CFAP299: variants seen among roughly 807,000 people sequenced by gnomAD.
The protein encoded by CFAP299 is cilia- and flagella-associated protein 299.
Under a neutral mutation model 27.0 loss-of-function variants are expected in CFAP299, and 21 were observed. The ratio of observed to expected loss-of-function variants is 0.78; its 90% CI spans 0.55 to 1.12. The LOEUF is 1.12. Ranked by LOEUF, CFAP299 falls within the 50% of genes most tolerant of loss-of-function variation. The pLI is 0.00. For missense variants in CFAP299, 310 were observed against 276.6 expected, an observed-to-expected ratio of 1.12 and a Z score of -0.86; for synonymous variants, 104 against 98.1, an observed-to-expected ratio of 1.06 and a Z score of -0.36.
chr4:80,699,386 C>T (rs1329480551), intron 3 of CFAP299, among the ~76,000 whole-genome samples: 3 of 152,122 alleles, frequency 2.0e-5, no homozygotes, highest in Admixed American at 6.5e-5. Context: ...CTTCAAACTC[C>T]ATAACTCCCG....
intron 3 of CFAP299, among the ~76,000 whole-genome samples, chr4:80,807,456 C>T (rs1298620618): frequency 2.0e-5 from 3 of 151,886 alleles, no homozygotes; most frequent in Admixed American, 6.6e-5. Context: ...CAAAAAGGTA[C>T]CAGAGAAAGG....
At chr4:80,390,636 CACATAT>C (rs1725326606) in intron 2 of CFAP299, among the ~76,000 whole-genome samples, 1 of 120,636 alleles carries the variant, frequency 8.3e-6, no homozygotes, top group African/African-American at 3.3e-5. Flanking sequence ...TATATGTATA[CACATAT>C]ATGTATGTAC....
chr4:80,799,438 A>ATT (rs1728127882), intron 3 of CFAP299, among the ~76,000 whole-genome samples: 2 of 92,128 alleles, frequency 2.2e-5, no homozygotes, highest in Non-Finnish European at 3.7e-5. Flanking sequence ...AATATATATA[A>ATT]TATTTATAAA....
intron 1 of CFAP299, among the ~76,000 whole-genome samples, chr4:80,360,883 G>GGCCCTTAC (rs1420296460): frequency 6.6e-6 from 1 of 152,054 alleles, no homozygotes; most frequent in Admixed American, 6.5e-5. Context: ...CTTTCTTTGT[G>GGCCCTTAC]GCCCTTACAT....
chr4:80,399,283 C>T (rs979254909), intron 2 of CFAP299, among the ~76,000 whole-genome samples: 5 of 152,110 alleles, frequency 3.3e-5, no homozygotes, highest in Admixed American at 6.6e-5. Context: ...GACAGTGTTG[C>T]GATTCCTCAA....
intron 2 of CFAP299, among the ~76,000 whole-genome samples, chr4:80,373,851 ACTT>A (rs1434165225): frequency 2.6e-5 from 4 of 152,138 alleles, no homozygotes; most frequent in Non-Finnish European, 4.4e-5. Flanking sequence ...CCATCACTGA[ACTT>A]CTTAATGATT....
At chr4:80,695,384 C>T (rs1021636931) in intron 3 of CFAP299, among the ~76,000 whole-genome samples, 3 of 152,128 alleles carry the variant, frequency 2.0e-5, no homozygotes, top group Non-Finnish European at 4.4e-5. Context: ...CCAGAAATAA[C>T]TTTCTCACAT....
chr4:80,491,822 A>ATGGCCC (rs1731150628), intron 2 of CFAP299, among the ~76,000 whole-genome samples: 1 of 152,212 alleles, frequency 6.6e-6, no homozygotes, highest in African/African-American at 2.4e-5. Flanking sequence ...ATATTTTGAA[A>ATGGCCC]TGGCCCTGCA....
intron 2 of CFAP299, among the ~76,000 whole-genome samples, chr4:80,570,203 C>T (rs1196696328): frequency 6.6e-6 from 1 of 151,736 alleles, no homozygotes; most frequent in African/African-American, 2.4e-5. Flanking sequence ...ATTGCATAGG[C>T]AATATAGTGA....
chr4:80,473,337 A>C (rs773267593), intron 2 of CFAP299, among the ~76,000 whole-genome samples: 15 of 152,252 alleles, frequency 9.9e-5, no homozygotes, highest in Middle Eastern at 6.8e-3. Flanking sequence ...TCTTTAAGAC[A>C]AACTAAGTAA....
chr4:80,351,361 G>A (rs1044785128), intron 1 of CFAP299, among the ~76,000 whole-genome samples: 1 of 152,130 alleles, frequency 6.6e-6, no homozygotes, highest in Non-Finnish European at 1.5e-5. Flanking sequence ...AAAGATAGCA[G>A]AGGATAATGT....
At chr4:80,801,380 G>T (rs931473218) in intron 3 of CFAP299, among the ~76,000 whole-genome samples, 1 of 151,854 alleles carries the variant, frequency 6.6e-6, no homozygotes, top group African/African-American at 2.4e-5. Flanking sequence ...TCAATAAAAT[G>T]GGTATCTTTT....
chr4:80,804,342 C>T (rs1164222924), intron 3 of CFAP299, among the ~76,000 whole-genome samples: 1 of 152,088 alleles, frequency 6.6e-6, no homozygotes, highest in Non-Finnish European at 1.5e-5. Context: ...TTCACTATTC[C>T]AAGTAGCTTA....
At chr4:80,904,774 T>C (rs1735099034) in intron 4 of CFAP299, among the ~76,000 whole-genome samples, 1 of 152,204 alleles carries the variant, frequency 6.6e-6, no homozygotes, top group African/African-American at 2.4e-5. Flanking sequence ...CAAAATGATG[T>C]ATATTTACAT....
At chr4:80,717,738 T>C (rs866888398) in intron 3 of CFAP299, among the ~76,000 whole-genome samples, 6 of 152,162 alleles carry the variant, frequency 3.9e-5, no homozygotes, top group Non-Finnish European at 5.9e-5. Flanking sequence ...CCCAACTAGG[T>C]TGACATTTTT....
At chr4:80,905,725 A>G (rs1257783829) in intron 4 of CFAP299, among the ~76,000 whole-genome samples, 6 of 152,150 alleles carry the variant, frequency 3.9e-5, no homozygotes, top group South Asian at 2.1e-4. Flanking sequence ...AGCAAAGGGG[A>G]AAAAGCCACT....
At chr4:80,440,738 A>G (rs1423440858) in intron 2 of CFAP299, among the ~76,000 whole-genome samples, 1 of 152,340 alleles carries the variant, frequency 6.6e-6, no homozygotes, top group East Asian at 1.9e-4. Context: ...AGTCTTCAGA[A>G]GGTGGGTAAT....
intron 2 of CFAP299, chr4:80,387,073 G>A: frequency 7.0e-7 from 1 of 1,436,292 alleles, no homozygotes; most frequent in Non-Finnish European, 9.8e-7. Flanking sequence ...GGGAAGTTGT[G>A]AGTGGCGGTC....
At chr4:80,731,479 A>G (rs572190913) in intron 3 of CFAP299, among the ~76,000 whole-genome samples, 5 of 152,324 alleles carry the variant, frequency 3.3e-5, no homozygotes, top group African/African-American at 1.2e-4. Context: ...TCTGGTTTCC[A>G]TCGGGCCCAC....
Sources: gnomAD v4.1 joint callset for allele counts (sites outside exome capture counted in the v4.1 genomes callset) on GRCh38, gnomAD v4.1.1 for gene constraint, MANE v1.5 for transcripts, NCBI Gene and HGNC (gene_info 2026-07-23, HGNC 2026-07-21) for gene names.